The following NLGN4X variants were observed in gnomAD, a reference collection of about 807,000 sequenced individuals.
The protein encoded by NLGN4X is neuroligin-4, X-linked.
NLGN4X carries 3 observed loss-of-function variants against 40.3 expected under a neutral mutation model. That is an observed-to-expected ratio of 0.07 (90% CI 0.03 to 0.19). The LOEUF is 0.19. Ranked by LOEUF, NLGN4X falls within the 10% of genes least tolerant of loss-of-function variation. NLGN4X has a pLI of 1.00. For synonymous variants in NLGN4X, 270 were observed against 306.8 expected (o/e 0.88, Z 1.25); for missense variants, 382 against 708.3 (o/e 0.54, Z 5.23).
At chrX:6,046,263 G>C (rs1719254697) in intron 2 of NLGN4X, among the ~76,000 whole-genome samples, 1 of 111,335 alleles carries the variant, frequency 9.0e-6, no homozygotes, top group South Asian at 3.7e-4. Flanking sequence ...TTCCCAATAA[G>C]ATCTTTGGTA....
At chrX:6,073,780 A>G (rs35985009) in intron 2 of NLGN4X, among the ~76,000 whole-genome samples, 30,630 of 110,267 alleles carry the variant, frequency 0.28, 3,221 homozygotes, top group African/African-American at 0.31. Flanking sequence ...ATACTCTTGA[A>G]CTGCACATGT....
Position 6,015,845 on chromosome X carries a change from C to A in NLGN4X, c.625+13435G>T, listed in dbSNP as rs140420941. 5.4e-5 allele frequency among the ~76,000 whole-genome samples: 6 copies of A among 111,752 alleles called. No homozygotes were observed. In the South Asian group the frequency reaches 1.9e-3, roughly 35 times the overall value. On this transcript the variant is annotated intron_variant, in intron 3 of 5. Coordinates refer to ENST00000381095, the MANE Select transcript of NLGN4X (RefSeq NM_181332.3). Reference sequence around the variant, plus strand: ...TTGTGAGATATAGTAAGTGGACAAGCCTGCTTAAACATATATGAGTCAATA... The same window carrying A: ...TTGTGAGATATAGTAAGTGGACAAGACTGCTTAAACATATATGAGTCAATA...
chrX:6,066,552 G>A (rs2037921605), intron 2 of NLGN4X, among the ~76,000 whole-genome samples: 1 of 108,964 alleles, frequency 9.2e-6, no homozygotes, highest in South Asian at 3.9e-4. Flanking sequence ...TTGGGAGGAT[G>A]AGGCAGGCGG....
intron 1 of NLGN4X, chrX:6,226,560 C>T (rs896256581): frequency 1.8e-5 from 2 of 112,099 alleles, no homozygotes; most frequent in Non-Finnish European, 1.9e-5. Flanking sequence ...TTGCACGGAG[C>T]ACTGGGCCCG....
intron 2 of NLGN4X, among the ~76,000 whole-genome samples, chrX:6,083,640 T>C (rs2038425377): frequency 8.9e-6 from 1 of 112,130 alleles, no homozygotes; most frequent in African/African-American, 3.2e-5. Context: ...TAGCTAGGAA[T>C]GTTCTGCAGG....
intron 3 of NLGN4X, among the ~76,000 whole-genome samples, chrX:6,017,989 T>C (rs1791471375): frequency 8.9e-6 from 1 of 111,958 alleles, no homozygotes; most frequent in African/African-American, 3.2e-5. Context: ...AACGGGTTTA[T>C]TGGGATATAA....
intron 2 of NLGN4X, among the ~76,000 whole-genome samples, chrX:6,059,390 T>A (rs2037715158): frequency 8.9e-6 from 1 of 111,990 alleles, no homozygotes; most frequent in Non-Finnish European, 1.9e-5. Context: ...GCTGATGATG[T>A]TGTCTTCCAT....
chrX:5,909,550 G>C (rs757450588), intron 3 of NLGN4X, among the ~76,000 whole-genome samples: 6 of 109,574 alleles, frequency 5.5e-5, no homozygotes, highest in Admixed American at 3.9e-4. Context: ...AATTTTACTA[G>C]GTTCAAGGTA....
At chrX:6,176,778 A>G (rs1920959657) in intron 1 of NLGN4X, among the ~76,000 whole-genome samples, 2 of 111,875 alleles carry the variant, frequency 1.8e-5, no homozygotes, top group Non-Finnish European at 3.8e-5. Context: ...TGATACCTTG[A>G]TTTTAGCCTC....
At chrX:6,142,383 G>C (rs959157421) in intron 2 of NLGN4X, among the ~76,000 whole-genome samples, 2 of 112,339 alleles carry the variant, frequency 1.8e-5, no homozygotes, top group Non-Finnish European at 3.8e-5. Flanking sequence ...ATCCACTCCA[G>C]TTTAACTGTG....
Position 6,128,205 on chromosome X carries a change from C to T in NLGN4X, c.472+22790G>A, listed in dbSNP as rs765433741. On this transcript the variant is annotated intron_variant, in intron 2 of 5. Coordinates refer to ENST00000381095, the MANE Select transcript of NLGN4X (RefSeq NM_181332.3). Reference sequence around the variant, plus strand: ...TAGGGAGTTGAAACATGGGGCCCTACGAAGGCTGGGACAGACTGAGGCACA... The same window carrying T: ...TAGGGAGTTGAAACATGGGGCCCTATGAAGGCTGGGACAGACTGAGGCACA... Among the ~76,000 whole-genome samples, 8 of 111,372 alleles carry T rather than the reference C, an allele frequency of 7.2e-5. No individual in the cohort carries two copies. In the Middle Eastern group the frequency reaches 0.014, roughly 193 times the overall value.
At chrX:5,959,305 C>T (rs767992275) in intron 3 of NLGN4X, among the ~76,000 whole-genome samples, 111 of 112,283 alleles carry the variant, frequency 9.9e-4, no homozygotes, top group African/African-American at 2.8e-3. Context: ...AGGTCAAAGG[C>T]ATAGGCATTT....
At chrX:6,219,256 C>T (rs986537463) in intron 1 of NLGN4X, among the ~76,000 whole-genome samples, 7 of 105,812 alleles carry the variant, frequency 6.6e-5, no homozygotes, top group Non-Finnish European at 9.7e-5. Flanking sequence ...AACTTCCAGG[C>T]TGGTTCACAG....
At position 6,042,611 on chromosome X, in the gene NLGN4X, C is replaced by T. The variant is rs998413442; in HGVS notation, c.473-13179G>A. Among the ~76,000 whole-genome samples, 63 of 94,424 alleles carry T rather than the reference C, an allele frequency of 6.7e-4. 1 individual carries two copies. The highest frequency in any genetic ancestry group is 2.4e-3 in the African/African-American group (63 of 26,046). 82.0% of individuals were successfully genotyped at this position (94,424 alleles called of 115,157 possible). A position where few individuals can be genotyped will look rare whatever the true frequency, so the allele number is the denominator to read the frequency against. Reference sequence around the variant, plus strand: ...TTATTAAGAAAAGTCATGTTGAGAACATAATTGACTTTCATTTGTCCTAAG... The same window carrying T: ...TTATTAAGAAAAGTCATGTTGAGAATATAATTGACTTTCATTTGTCCTAAG... On this transcript the variant is annotated intron_variant, in intron 2 of 5. Coordinates refer to ENST00000381095, the MANE Select transcript of NLGN4X (RefSeq NM_181332.3).
intron 2 of NLGN4X, among the ~76,000 whole-genome samples, chrX:6,043,601 GCTGT>G (rs1458195781): frequency 9.0e-6 from 1 of 111,470 alleles, no homozygotes; most frequent in Non-Finnish European, 1.9e-5. Context: ...TTCTCCTTTT[GCTGT>G]CTATGTAGCA....
chrX:5,965,833 C>A (rs1346159293), intron 3 of NLGN4X, among the ~76,000 whole-genome samples: 1 of 111,895 alleles, frequency 8.9e-6, no homozygotes, highest in Non-Finnish European at 1.9e-5. Flanking sequence ...CACTGGGCAA[C>A]ATATATATAA....
At chrX:6,068,148 A>G (rs2037970559) in intron 2 of NLGN4X, among the ~76,000 whole-genome samples, 1 of 111,921 alleles carries the variant, frequency 8.9e-6, no homozygotes, top group Non-Finnish European at 1.9e-5. Context: ...GTCTTTAAAA[A>G]GGATGAAAGA....
At chrX:6,011,875 A>T (rs2036262058) in intron 3 of NLGN4X, among the ~76,000 whole-genome samples, 1 of 111,951 alleles carries the variant, frequency 8.9e-6, no homozygotes, top group Non-Finnish European at 1.9e-5. Context: ...GGTTCTGGTA[A>T]ATCAGATATG....
At chrX:6,181,129 T>C (rs888092253) in intron 1 of NLGN4X, among the ~76,000 whole-genome samples, 5 of 111,147 alleles carry the variant, frequency 4.5e-5, no homozygotes, top group African/African-American at 1.6e-4. Flanking sequence ...GGTAGGCCTG[T>C]GGGGAATAAG....
Sources: gnomAD v4.1 joint callset for allele counts (sites outside exome capture counted in the v4.1 genomes callset) on GRCh38, gnomAD v4.1.1 for gene constraint, MANE v1.5 for transcripts, NCBI Gene and HGNC (gene_info 2026-07-23, HGNC 2026-07-21) for gene names.